Variants in CTDNEP1 observed in about 807,000 individuals in gnomAD.
The protein encoded by CTDNEP1 is CTD nuclear envelope phosphatase 1.
A neutral mutation model predicts 30.1 loss-of-function variants in CTDNEP1; 3 were observed. That is an observed-to-expected ratio of 0.10 (90% CI 0.05 to 0.26). The LOEUF is 0.26. Among genes scored for constraint, CTDNEP1 ranks in the 10% least tolerant of loss-of-function variants. CTDNEP1 has a pLI of 1.00. For synonymous variants in CTDNEP1, 123 were observed against 118.8 expected, an observed-to-expected ratio of 1.04 and a Z score of -0.23; for missense variants, 158 against 310.4, an observed-to-expected ratio of 0.51 and a Z score of 3.69.
Position 7,244,013 on chromosome 17 carries a change from C to T in CTDNEP1, c.*172G>A. On this transcript the variant is annotated 3_prime_UTR_variant, in exon 8 of 8. Transcript: ENST00000574322. ...GTGAGGCTGCTTCAGAGCCCCTGGC[C>T]CATGTGTCCATCCAGACTCCAAGTG... 7.1e-7 allele frequency: 1 copy of T among 1,414,296 alleles called. No homozygotes were observed. The highest frequency in any genetic ancestry group is 1.4e-5 in the African/African-American group (1 of 69,114). 87.6% of individuals were successfully genotyped at this position (1,414,296 alleles called of 1,614,324 possible). A position where few individuals can be genotyped will look rare whatever the true frequency, so the allele number is the denominator to read the frequency against.
In CTDNEP1 at chr17:7,244,154, CA is replaced by C; in HGVS notation, c.*30del. ...AAGGGCTCGCCCTCCCTTTCCCCCC[CA>C]CCCCAACTCAGGTGGAGGGGGAGCA... On this transcript the variant is annotated 3_prime_UTR_variant, in exon 8 of 8. Coordinates refer to ENST00000574322, the MANE Select transcript of CTDNEP1 (RefSeq NM_001143775.2). 2 of 1,613,208 alleles carry C rather than the reference CA, an allele frequency of 1.2e-6. No individual in the cohort carries two copies. The highest frequency in any genetic ancestry group is 8.5e-7 in the Non-Finnish European group (1 of 1,179,578).
intron 6 of CTDNEP1, chr17:7,244,841 G>T (rs1422151310): frequency 1.8e-5 from 9 of 513,734 alleles, no homozygotes; most frequent in Non-Finnish European, 3.1e-5. Flanking sequence ...TTCTAGTCAA[G>T]CTTACTGCCA....
chr17:7,247,470 C>CTTCTT, intron 1 of CTDNEP1, 127 bp from the exon 2 acceptor site: 1 of 546,260 alleles, frequency 1.8e-6, no homozygotes, highest in Non-Finnish European at 3.2e-6. Flanking sequence ...ATTTCTTCTT[C>CTTCTT]TTTTTTTTTT....
intron 6 of CTDNEP1, among the ~76,000 whole-genome samples, chr17:7,245,397 G>A (rs1597572997): frequency 6.6e-6 from 1 of 152,020 alleles, no homozygotes; most frequent in Non-Finnish European, 1.5e-5. Context: ...CTGGGAGATC[G>A]AGGCTGCAGT....
At chr17:7,249,869 C>A (rs915167344) in intron 1 of CTDNEP1, among the ~76,000 whole-genome samples, 7 of 152,228 alleles carry the variant, frequency 4.6e-5, no homozygotes, top group Admixed American at 3.9e-4. Context: ...GGAGATGGCA[C>A]CACTGCACTC....
At chr17:7,244,275 G>A (rs749183409) in intron 7 of CTDNEP1, 30 bp from the exon 8 acceptor site, 10 of 1,609,916 alleles carry the variant, frequency 6.2e-6, no homozygotes, top group African/African-American at 2.7e-5. Flanking sequence ...CATTGGTAGA[G>A]TACCTTATAG....
At chr17:7,250,783 C>T (rs527681041) in intron 1 of CTDNEP1, among the ~76,000 whole-genome samples, 5 of 152,108 alleles carry the variant, frequency 3.3e-5, no homozygotes, top group African/African-American at 1.2e-4. Flanking sequence ...ACAAGTCTGT[C>T]TCTTCCTTGT....
intron 2 of CTDNEP1, 43 bp downstream of exon 2, chr17:7,247,234 G>GC (rs764904599): frequency 4.8e-5 from 78 of 1,608,756 alleles, no homozygotes; most frequent in Non-Finnish European, 6.2e-5. Flanking sequence ...CCCAGAGCTA[G>GC]CCCCTACTTC....
intron 1 of CTDNEP1, among the ~76,000 whole-genome samples, chr17:7,249,690 C>A (rs576026901): frequency 2.6e-5 from 4 of 152,176 alleles, no homozygotes; most frequent in Admixed American, 2.0e-4. Context: ...GCGGGCAGAT[C>A]ACTTGAGGTC....
Position 7,246,403 on chromosome 17 carries a change from A to G in CTDNEP1, c.361-33T>C. 2.8e-6 allele frequency: 4 copies of G among 1,454,010 alleles called. No individual in the cohort carries two copies. The highest frequency in any genetic ancestry group is 3.9e-6 in the Non-Finnish European group (4 of 1,036,110). 90.1% of individuals were successfully genotyped at this position (1,454,010 alleles called of 1,614,324 possible). On this transcript the variant is annotated intron_variant, in intron 4 of 7. Coordinates refer to ENST00000574322, the MANE Select transcript of CTDNEP1 (RefSeq NM_001143775.2). The surrounding 1 kb of genome is among the most constrained non-coding windows in gnomAD (Gnocchi z 4.9). ...AGATTGGGGGAGAGGGCGATGCCAT[A>G]CAAGGTGATGATTCCTTTAGACATA...
At chr17:7,248,334 A>G (rs2071871405) in intron 1 of CTDNEP1, among the ~76,000 whole-genome samples, 1 of 148,834 alleles carries the variant, frequency 6.7e-6, no homozygotes, top group African/African-American at 2.5e-5. Flanking sequence ...AATGCAGTTC[A>G]ACCCAAGAAC....
At chr17:7,244,358 G>T in intron 7 of CTDNEP1, 113 bp from the exon 8 acceptor site, 1 of 1,290,908 alleles carries the variant, frequency 7.7e-7, no homozygotes. Flanking sequence ...CCATATTCAT[G>T]ATTAGATAGG....
At chr17:7,247,725 C>G (rs2071861755) in intron 1 of CTDNEP1, among the ~76,000 whole-genome samples, 1 of 151,840 alleles carries the variant, frequency 6.6e-6, no homozygotes, top group Non-Finnish European at 1.5e-5. Flanking sequence ...CCTTTGCCTC[C>G]CAAAGTGCTG....
chr17:7,246,747 C>T lies in CTDNEP1; in HGVS notation c.360+44G>A. Reference sequence around the variant, plus strand: ...CCTCCCAATTCCCAGAGCCCTAAAACCATTCCTTCATTACAGAGCTCCCTT... The same window carrying T: ...CCTCCCAATTCCCAGAGCCCTAAAATCATTCCTTCATTACAGAGCTCCCTT... On this transcript the variant is annotated intron_variant, in intron 4 of 7. Transcript: ENST00000574322. This position sits in a 1 kb window ranked among gnomAD's most constrained non-coding sequence, Gnocchi z 4.9. The T allele has an allele frequency of 6.5e-7, 1 of 1,535,116 alleles. No individual in the cohort carries two copies. The highest frequency in any genetic ancestry group is 9.0e-7 in the Non-Finnish European group (1 of 1,109,768).
intron 1 of CTDNEP1, among the ~76,000 whole-genome samples, chr17:7,250,230 T>C (rs1379121012): frequency 6.6e-6 from 1 of 152,102 alleles, no homozygotes; most frequent in Non-Finnish European, 1.5e-5. Context: ...TGCTAAGGGG[T>C]ACAGACCACA....
At chr17:7,251,858 G>T, upstream of CTDNEP1, 1 of 155,140 alleles carries the variant, frequency 6.4e-6, no homozygotes, top group Non-Finnish European at 1.4e-5. Context: ...CAGAGCGCTG[G>T]GCCGGAGCGG....
rs1315449599 is a variant in CTDNEP1, at chr17:7,246,399, C to T, written c.361-29G>A. 1.0e-5 allele frequency: 15 copies of T among 1,479,754 alleles called. No individual in the cohort carries two copies. Among genetic ancestry groups the T allele is most frequent in the East Asian group, 2.3e-5 (1 of 44,242 alleles). The allele number at this position is 1,479,754 out of a possible 1,614,324, so 91.7% of individuals were successfully genotyped here. ...AAATAGATTGGGGGAGAGGGCGATG[C>T]CATACAAGGTGATGATTCCTTTAGA... On this transcript the variant is annotated intron_variant, in intron 4 of 7. Transcript: ENST00000574322. This position sits in a 1 kb window ranked among gnomAD's most constrained non-coding sequence, Gnocchi z 4.9.
rs762261721 is a variant in CTDNEP1 at position 7,251,255 on chromosome 17, C to A, written c.42G>T (p.Val14=). The part of the protein sequence containing the change: ...TQCLLGLRTF[V]AFAAKLWSFF... Reference sequence around the variant, plus strand: ...AGCTCCAGAGCTTGGCGGCGAAGGCCACGAACGTGCGCAGCCCCAGCAGAC... The same window carrying A: ...AGCTCCAGAGCTTGGCGGCGAAGGCAACGAACGTGCGCAGCCCCAGCAGAC... The change falls in exon 1 of 8, where the codon GTG becomes GTT. Residue 14 remains valine (V), a synonymous_variant. Transcript: ENST00000574322. The A allele has an allele frequency of 8.4e-5, 134 of 1,602,190 alleles. No individual in the cohort carries two copies. The highest frequency in any genetic ancestry group is 1.1e-4 in the Non-Finnish European group (128 of 1,175,734).
In CTDNEP1 at chr17:7,246,243, T is replaced by C; in HGVS notation, c.477+11A>G. On this transcript the variant is annotated intron_variant, in intron 5 of 7. Transcript: ENST00000574322. The surrounding 1 kb of genome is among the most constrained non-coding windows in gnomAD (Gnocchi z 4.9). ...CCCAAGCCACACTCTTAGACTGGGA[T>C]TCTAGCTTACCTGTCTGTAATATCT... is the stretch of plus-strand genomic sequence containing the variant. The C allele has an allele frequency of 6.2e-7, 1 of 1,602,430 alleles. No homozygotes were observed. The highest frequency in any genetic ancestry group is 8.6e-7 in the Non-Finnish European group (1 of 1,169,364).
Sources: allele counts gnomAD v4.1 joint callset (sites outside exome capture counted in the v4.1 genomes callset), GRCh38; gene constraint gnomAD v4.1.1; non-coding constraint Gnocchi (gnomAD v3.1); transcripts MANE v1.5; gene names NCBI Gene and HGNC (gene_info 2026-07-23, HGNC 2026-07-21).